ATAD1: variants seen among roughly 807,000 people sequenced by gnomAD.
ATAD1 encodes ATPase family AAA domain containing 1, also known as outer mitochondrial transmembrane helix translocase.
In ATAD1, 18 loss-of-function variants were observed where a neutral mutation model predicts 42.7. The observed-to-expected ratio is 0.42, with a 90% CI of 0.29 to 0.63. The LOEUF (loss-of-function observed/expected upper bound fraction) is 0.63. Among genes scored for constraint, ATAD1 ranks in the 20% least tolerant of loss-of-function variants. The pLI, the probability that ATAD1 is intolerant of heterozygous loss-of-function variation, is 0.19. For synonymous variants in ATAD1, 132 were observed against 143.1 expected (o/e 0.92, Z 0.55); for missense variants, 294 against 440.4 (o/e 0.67, Z 2.98).
At chr10:87,778,194 A>AAC (rs1047293443) in intron 5 of ATAD1, among the ~76,000 whole-genome samples, 4 of 150,544 alleles carry the variant, frequency 2.7e-5, no homozygotes, top group African/African-American at 7.3e-5. Context: ...AAAAAAAAAA[A>AAC]AAAAAACTCA....
At chr10:87,794,978 T>C (rs903546037) in intron 2 of ATAD1, among the ~76,000 whole-genome samples, 3 of 152,194 alleles carry the variant, frequency 2.0e-5, no homozygotes, top group Non-Finnish European at 2.9e-5. Flanking sequence ...AAGGAACTAA[T>C]GGTTTTATTG....
chr10:87,799,045 T>C (rs2131982577), intron 2 of ATAD1, among the ~76,000 whole-genome samples: 1 of 152,230 alleles, frequency 6.6e-6, no homozygotes, highest in South Asian at 2.1e-4. Context: ...AATCAAATAC[T>C]TCATCAGGAA....
At chr10:87,796,500 G>A (rs188776200) in intron 2 of ATAD1, among the ~76,000 whole-genome samples, 354 of 152,292 alleles carry the variant, frequency 2.3e-3, no homozygotes, top group Non-Finnish European at 4.2e-3. Context: ...GTTCCGGACA[G>A]AACCCAATGT....
rs188467017 is a variant in ATAD1, at chr10:87,760,536, C to A, written c.832-3614G>T. Among the ~76,000 whole-genome samples the A allele has an allele frequency of 2.4e-3, 371 of 152,200 alleles. 5 individuals carry two copies. Among genetic ancestry groups the A allele is most frequent in the Non-Finnish European group, 5.1e-4 (35 of 68,006 alleles). On this transcript the variant is annotated intron_variant, in intron 8 of 9. Coordinates refer to ENST00000680024, the MANE Select transcript of ATAD1 (RefSeq NM_001321967.2). ...ATAAGTTATCCAGTCTCAGGTAGTT[C>A]TTTATAGCGGTTTGAGAACGGGCTA...
At chr10:87,828,666 T>C (rs1445827449) in intron 1 of ATAD1, among the ~76,000 whole-genome samples, 2 of 152,334 alleles carry the variant, frequency 1.3e-5, no homozygotes, top group East Asian at 3.9e-4. Flanking sequence ...AGCCTTTTAT[T>C]GGAAGAAAAT....
At chr10:87,808,516 C>T (rs374793427) in intron 2 of ATAD1, among the ~76,000 whole-genome samples, 4 of 152,282 alleles carry the variant, frequency 2.6e-5, no homozygotes, top group East Asian at 1.9e-4. Flanking sequence ...TGCCACTGCA[C>T]TCCAGCCTGG....
At chr10:87,803,778 A>T (rs568290555) in intron 2 of ATAD1, among the ~76,000 whole-genome samples, 1 of 152,334 alleles carries the variant, frequency 6.6e-6, no homozygotes, top group South Asian at 2.1e-4. Flanking sequence ...CCTGTCTCAG[A>T]TATTTGCGGT....
chr10:87,762,919 AT>A (rs1313003066), intron 8 of ATAD1, among the ~76,000 whole-genome samples: 1,680 of 84,598 alleles, frequency 0.02, 27 homozygotes, highest in African/African-American at 0.058. Flanking sequence ...AAAAAAAAAA[AT>A]ATATATATAT....
At chr10:87,815,141 C>T (rs890311051) in intron 1 of ATAD1, among the ~76,000 whole-genome samples, 5 of 152,020 alleles carry the variant, frequency 3.3e-5, no homozygotes, top group Non-Finnish European at 5.9e-5. Context: ...ATGCCATTTC[C>T]TCAGTAATAA....
intron 7 of ATAD1, among the ~76,000 whole-genome samples, 180 bp from the exon 8 acceptor site, chr10:87,767,903 C>G (rs1854840021): frequency 6.6e-6 from 1 of 152,084 alleles, no homozygotes; most frequent in South Asian, 2.1e-4. Flanking sequence ...ATCTCTGGTT[C>G]TCCTACTGAA....
intron 6 of ATAD1, among the ~76,000 whole-genome samples, chr10:87,775,240 G>A (rs1472412093): frequency 1.3e-5 from 2 of 151,520 alleles, no homozygotes; most frequent in Admixed American, 6.6e-5. Flanking sequence ...GGCCAACATA[G>A]TGAAACCCAG....
intron 2 of ATAD1, among the ~76,000 whole-genome samples, chr10:87,797,916 T>C (rs1856477220): frequency 6.6e-6 from 1 of 152,182 alleles, no homozygotes; most frequent in African/African-American, 2.4e-5. Flanking sequence ...AATGACAGAT[T>C]GAGTTTTCTC....
chr10:87,800,505 T>TTC (rs1449336624), intron 2 of ATAD1, among the ~76,000 whole-genome samples: 1 of 152,172 alleles, frequency 6.6e-6, no homozygotes, highest in Non-Finnish European at 1.5e-5. Context: ...TGCAGGTCTT[T>TTC]TCTGTTGCCT....
chr10:87,823,505 C>A (rs537397118), intron 1 of ATAD1, among the ~76,000 whole-genome samples: 3 of 152,218 alleles, frequency 2.0e-5, no homozygotes, highest in South Asian at 2.1e-4. Context: ...AAGAGTGATC[C>A]CCCTAGGATT....
chr10:87,780,729 T>C (rs758970413), intron 5 of ATAD1, among the ~76,000 whole-genome samples: 10 of 152,246 alleles, frequency 6.6e-5, no homozygotes, highest in Non-Finnish European at 1.5e-4. Flanking sequence ...TCTGTTGTGT[T>C]TGTATACACA....
chr10:87,767,763 T>A lies in ATAD1; in HGVS notation c.781-40A>T, dbSNP rs200782258. On this transcript the variant is annotated intron_variant, in intron 7 of 9. Coordinates refer to ENST00000680024, the MANE Select transcript of ATAD1 (RefSeq NM_001321967.2). ...ATTTCCAGTTAGCATTTTTATTTTT[T>A]ATTTTTTTAAAAAGATCAAGTAGTG... is the stretch of plus-strand genomic sequence containing the variant. 9 of 1,562,112 alleles carry A rather than the reference T, an allele frequency of 5.8e-6. No individual in the cohort carries two copies. The East Asian group carries it at 1.8e-4, about 31-fold the overall frequency.
intron 8 of ATAD1, among the ~76,000 whole-genome samples, chr10:87,763,205 T>C (rs1041013061): frequency 2.6e-5 from 4 of 151,876 alleles, no homozygotes; most frequent in African/African-American, 7.3e-5. Context: ...ACATATTTCA[T>C]GTACATACGT....
chr10:87,776,388 G>C lies in ATAD1; in HGVS notation c.623C>G (p.Ala208Gly). 1 of 1,613,832 alleles carries C rather than the reference G, an allele frequency of 6.2e-7. No homozygotes were observed. The highest frequency in any genetic ancestry group is 8.5e-7 in the Non-Finnish European group (1 of 1,179,824). ...LRNRSSSDHEATAMMKAQFMS... is the reference protein window; with the variant it reads ...LRNRSSSDHEGTAMMKAQFMS... ...AAACTGAGCTTTCATCATGGCTGTA[G>C]CTTCATGGTCAGAACTTGAACGGTT... The change falls in exon 6 of 10, where the codon GCT becomes GGT. Residue 208 changes from alanine to glycine, a missense_variant. Physicochemically the swap from Ala to Gly is moderately conservative, Grantham distance 60. Transcript: ENST00000680024.
chr10:87,788,685 C>T (rs566742271), intron 4 of ATAD1, among the ~76,000 whole-genome samples: 1 of 152,274 alleles, frequency 6.6e-6, no homozygotes, highest in East Asian at 1.9e-4. Flanking sequence ...AAAAAAGAAG[C>T]TTTCTCCAAC....
Sources: allele counts gnomAD v4.1 joint callset (sites outside exome capture counted in the v4.1 genomes callset), GRCh38; gene constraint gnomAD v4.1.1; transcripts MANE v1.5; gene names NCBI Gene and HGNC (gene_info 2026-07-23, HGNC 2026-07-21).